Variants in AUTS2 observed in about 807,000 individuals in gnomAD.
AUTS2 encodes autism susceptibility gene 2 protein.
A neutral mutation model predicts 112.4 loss-of-function variants in AUTS2; 17 were observed. The ratio of observed to expected loss-of-function variants is 0.15; its 90% CI spans 0.10 to 0.23. The LOEUF (loss-of-function observed/expected upper bound fraction) is 0.23. Among genes scored for constraint, AUTS2 ranks in the 10% least tolerant of loss-of-function variants. The probability of loss-of-function intolerance (pLI) is 1.00; values close to 1 mark genes in which losing one functional copy is unlikely to be tolerated. For synonymous variants in AUTS2, 751 were observed against 702.7 expected, an observed-to-expected ratio of 1.07 and a Z score of -1.09; for missense variants, 1,510 against 1,701.6, an observed-to-expected ratio of 0.89 and a Z score of 1.98.
At chr7:69,600,092 TGAG>T in intron 1 of AUTS2, 130 bp downstream of exon 1, 1 of 1,005,966 alleles carries the variant, frequency 9.9e-7, no homozygotes, top group Non-Finnish European at 1.4e-6. Context: ...CTGTCTAGGC[TGAG>T]GTCTTATTGT....
intron 4 of AUTS2, among the ~76,000 whole-genome samples, chr7:70,340,287 G>A (rs1791204995): frequency 6.6e-6 from 1 of 151,642 alleles, no homozygotes; most frequent in Non-Finnish European, 1.5e-5. Context: ...TAAATGTCAA[G>A]ATATATATGC....
intron 5 of AUTS2, among the ~76,000 whole-genome samples, chr7:70,449,099 G>C (rs1796430312): frequency 6.6e-6 from 1 of 152,154 alleles, no homozygotes; most frequent in African/African-American, 2.4e-5. Context: ...ATTTAAATGT[G>C]TTAAAATAAC....
At chr7:70,179,050 G>T (rs1809157416) in intron 4 of AUTS2, among the ~76,000 whole-genome samples, 1 of 152,054 alleles carries the variant, frequency 6.6e-6, no homozygotes, top group Non-Finnish European at 1.5e-5. Context: ...GGCTCAGCTG[G>T]GCACTACGGG....
chr7:69,779,763 C>CAA (rs767635631), intron 1 of AUTS2, among the ~76,000 whole-genome samples: 3 of 66,788 alleles, frequency 4.5e-5, no homozygotes, highest in African/African-American at 1.6e-4. Context: ...GACTCCATCT[C>CAA]AAAAAAAAAA....
intron 5 of AUTS2, among the ~76,000 whole-genome samples, chr7:70,493,486 A>G (rs1798329617): frequency 6.6e-6 from 1 of 151,810 alleles, no homozygotes; most frequent in Non-Finnish European, 1.5e-5. Flanking sequence ...TCTGGATTTC[A>G]CTGCTATATT....
intron 4 of AUTS2, among the ~76,000 whole-genome samples, chr7:70,224,507 A>T (rs938545022): frequency 5.3e-5 from 8 of 152,230 alleles, no homozygotes; most frequent in Admixed American, 5.2e-4. Context: ...AAATGTTATT[A>T]AAAAGGATTC....
At chr7:70,411,211 A>G (rs1038068759) in intron 4 of AUTS2, among the ~76,000 whole-genome samples, 2 of 152,140 alleles carry the variant, frequency 1.3e-5, no homozygotes, top group Admixed American at 1.3e-4. Context: ...CTGAAAAAAA[A>G]ATGGGATTCT....
At chr7:70,006,864 T>A (rs573735471) in intron 2 of AUTS2, among the ~76,000 whole-genome samples, 36 of 152,274 alleles carry the variant, frequency 2.4e-4, no homozygotes, top group Admixed American at 2.2e-3. Context: ...TCTGAGGTTA[T>A]ATTTAGAAAA....
At chr7:70,701,288 C>T (rs923150934) in intron 6 of AUTS2, among the ~76,000 whole-genome samples, 8 of 152,152 alleles carry the variant, frequency 5.3e-5, no homozygotes, top group African/African-American at 1.7e-4. Flanking sequence ...CTGCACAGTG[C>T]GGAGATGAAG....
At chr7:70,552,352 T>C (rs918429321) in intron 5 of AUTS2, among the ~76,000 whole-genome samples, 1 of 152,200 alleles carries the variant, frequency 6.6e-6, no homozygotes, top group Non-Finnish European at 1.5e-5. Flanking sequence ...AAATGCAAAA[T>C]ACTTCTTCCT....
In AUTS2 at chr7:70,789,741, C is replaced by T. The variant is rs752669458; in HGVS notation, c.2532-7C>T. The T allele has an allele frequency of 2.5e-6, 4 of 1,608,170 alleles. No homozygotes were observed. The highest frequency in any genetic ancestry group is 2.7e-5 in the African/African-American group (2 of 74,776). On this transcript the variant is annotated splice_polypyrimidine_tract_variant and splice_region_variant and intron_variant, in intron 18 of 18. Coordinates refer to ENST00000342771, the MANE Select transcript of AUTS2 (RefSeq NM_015570.4). ...TCTGCGTCCTTGTCTTCCCCTCTCT[C>T]CCCCAGGGAAAGCGTCGAGAAGAGA...
chr7:70,336,566 G>A (rs1790999225), intron 4 of AUTS2, among the ~76,000 whole-genome samples: 1 of 152,040 alleles, frequency 6.6e-6, no homozygotes, highest in African/African-American at 2.4e-5. Flanking sequence ...TCTACTTTTA[G>A]CTTTATGTTT....
intron 5 of AUTS2, among the ~76,000 whole-genome samples, chr7:70,450,676 T>C (rs570742350): frequency 5.9e-5 from 9 of 152,202 alleles, no homozygotes; most frequent in Admixed American, 3.3e-4. Context: ...GAATGACACA[T>C]CAGAATTGAC....
chr7:70,229,972 C>G (rs766066517), intron 4 of AUTS2, among the ~76,000 whole-genome samples: 2 of 152,246 alleles, frequency 1.3e-5, no homozygotes, highest in East Asian at 3.9e-4. Context: ...CATCATGCTT[C>G]CCATTAAATC....
chr7:70,627,753 A>C (rs1805025827), intron 5 of AUTS2, among the ~76,000 whole-genome samples: 1 of 152,258 alleles, frequency 6.6e-6, no homozygotes, highest in African/African-American at 2.4e-5. Context: ...CTTTGTTCTC[A>C]GAATGGCTTA....
At position 70,334,685 on chromosome 7, in the gene AUTS2, A is replaced by G. The variant is rs150399183; in HGVS notation, c.661-101067A>G. On this transcript the variant is annotated intron_variant, in intron 4 of 18. Transcript: ENST00000342771. ...CTGTGTCTTCACTTCTCTTCCTTCTATTGACTTTCATGTCCCTCTAACAAT... is the reference window on the plus strand; with the variant it reads ...CTGTGTCTTCACTTCTCTTCCTTCTGTTGACTTTCATGTCCCTCTAACAAT... 6.6e-3 allele frequency among the ~76,000 whole-genome samples: 1,006 copies of G among 152,192 alleles called. 12 individuals carry two copies. The highest frequency in any genetic ancestry group is 0.022 in the African/African-American group (900 of 41,498).
chr7:70,533,632 G>C (rs1800188307), intron 5 of AUTS2, among the ~76,000 whole-genome samples: 1 of 152,188 alleles, frequency 6.6e-6, no homozygotes, highest in Non-Finnish European at 1.5e-5. Flanking sequence ...GCTGTGTTAT[G>C]GGTAAAGCCC....
intron 4 of AUTS2, among the ~76,000 whole-genome samples, chr7:70,380,058 G>T (rs1793298210): frequency 6.6e-6 from 1 of 152,210 alleles, no homozygotes. Context: ...TAAGCAAAGA[G>T]TCTGAAGTGG....
At chr7:70,067,578 G>T (rs1468383382) in intron 2 of AUTS2, among the ~76,000 whole-genome samples, 1 of 152,134 alleles carries the variant, frequency 6.6e-6, no homozygotes, top group Non-Finnish European at 1.5e-5. Context: ...AGGCTTGGTG[G>T]CTCACGCCTG....
Sources: allele counts gnomAD v4.1 joint callset (sites outside exome capture counted in the v4.1 genomes callset), GRCh38; gene constraint gnomAD v4.1.1; transcripts MANE v1.5; gene names NCBI Gene and HGNC (gene_info 2026-07-23, HGNC 2026-07-21).